The following LYPD6B variants were observed in gnomAD, a reference collection of about 807,000 sequenced individuals.
LYPD6B encodes the protein ly6/PLAUR domain-containing protein 6B.
Under a neutral mutation model 22.8 loss-of-function variants are expected in LYPD6B, and 17 were observed. The observed-to-expected ratio is 0.75, with a 90% CI of 0.51 to 1.12. LYPD6B has a LOEUF of 1.12. Among genes scored for constraint, LYPD6B ranks in the 50% most tolerant of loss-of-function variants. The pLI, the probability that LYPD6B is intolerant of heterozygous loss-of-function variation, is 0.00. For missense variants in LYPD6B, 221 were observed against 258.3 expected (o/e 0.86, Z 0.99); for synonymous variants, 106 against 91.6 (o/e 1.16, Z -0.90).
At chr2:149,102,544 A>C (rs1686264037) in intron 1 of LYPD6B, among the ~76,000 whole-genome samples, 2 of 152,176 alleles carry the variant, frequency 1.3e-5, no homozygotes, top group South Asian at 4.1e-4. Flanking sequence ...TGAGGGTGGG[A>C]CCAGAAGATG....
chr2:149,040,715 C>A (rs1328656042), intron 1 of LYPD6B, among the ~76,000 whole-genome samples: 2 of 152,136 alleles, frequency 1.3e-5, no homozygotes, highest in Non-Finnish European at 2.9e-5. Flanking sequence ...AGGACATGTT[C>A]ATTTTACTAT....
At chr2:149,197,841 A>G (rs1308046762) in intron 3 of LYPD6B, among the ~76,000 whole-genome samples, 1 of 152,160 alleles carries the variant, frequency 6.6e-6, no homozygotes, top group Admixed American at 6.5e-5. Flanking sequence ...ATGACTTGGC[A>G]TAAGCCTCCT....
intron 3 of LYPD6B, among the ~76,000 whole-genome samples, chr2:149,201,514 C>A (rs185948639): frequency 2.8e-4 from 43 of 152,274 alleles, no homozygotes; most frequent in Admixed American, 1.5e-3. Flanking sequence ...CAACTGTCAG[C>A]TACTATAGTT....
At chr2:149,193,956 T>C (rs1390275499) in intron 3 of LYPD6B, among the ~76,000 whole-genome samples, 1 of 152,226 alleles carries the variant, frequency 6.6e-6, no homozygotes, top group East Asian at 1.9e-4. Flanking sequence ...TACCAACATG[T>C]GTCCATCTTT....
intron 1 of LYPD6B, among the ~76,000 whole-genome samples, chr2:149,071,776 A>T (rs1018828479): frequency 2.0e-5 from 3 of 152,198 alleles, no homozygotes; most frequent in Non-Finnish European, 2.9e-5. Context: ...AAGACCAGGG[A>T]ATCAAAGAGC....
At chr2:149,063,266 G>A (rs1418922335) in intron 1 of LYPD6B, among the ~76,000 whole-genome samples, 1 of 152,080 alleles carries the variant, frequency 6.6e-6, no homozygotes, top group Non-Finnish European at 1.5e-5. Context: ...GGGCCAAGGG[G>A]TGTTATTTTC....
chr2:149,151,804 A>T (rs1330413883), intron 2 of LYPD6B, among the ~76,000 whole-genome samples: 1 of 152,206 alleles, frequency 6.6e-6, no homozygotes, highest in Non-Finnish European at 1.5e-5. Context: ...GTAAATGATC[A>T]TCTGAAAATG....
Position 149,213,188 on chromosome 2 carries a change from G to C in LYPD6B, c.459+66G>C, listed in dbSNP as rs1054216214. On this transcript the variant is annotated intron_variant, in intron 6 of 6. Transcript: ENST00000409642. ...CTAGTAATGTAAGTCGTAGATCAAA[G>C]GAGAGGCAGGAAGGATAGTAATATG... 2.5e-6 allele frequency: 4 copies of C among 1,583,884 alleles called. No homozygotes were observed. The South Asian group carries it at 3.4e-5, about 14-fold the overall frequency.
At chr2:149,182,543 A>G (rs1691814169) in intron 3 of LYPD6B, among the ~76,000 whole-genome samples, 1 of 152,238 alleles carries the variant, frequency 6.6e-6, no homozygotes, top group African/African-American at 2.4e-5. Context: ...CTTAAGAAGC[A>G]GCGTAAATAA....
In LYPD6B at chr2:149,212,380, C is replaced by CAAAAAAAAAAAAAA. The variant is rs386391473; in HGVS notation, c.329-601_329-588dup. Among the ~76,000 whole-genome samples, 40 of 60,128 alleles carry CAAAAAAAAAAAAAA rather than the reference C, an allele frequency of 6.7e-4. 1 individual carries two copies. Among genetic ancestry groups the CAAAAAAAAAAAAAA allele is most frequent in the African/African-American group, 2.6e-3 (34 of 13,322 alleles). The allele number at this position is 60,128 out of a possible 152,430, so 39.4% of individuals were successfully genotyped here. On this transcript the variant is annotated intron_variant, in intron 5 of 6. Transcript: ENST00000409642. ...CTGGGGACAGAGTAAGACTCCGTCT[C>CAAAAAAAAAAAAAA]AAAAAAAAAAAAAAAAAAAAAAAAG...
At chr2:149,199,387 C>G (rs536482300) in intron 3 of LYPD6B, among the ~76,000 whole-genome samples, 1 of 152,292 alleles carries the variant, frequency 6.6e-6, no homozygotes, top group South Asian at 2.1e-4. Context: ...TAATTCTTGT[C>G]AGTCACATCT....
chr2:149,116,097 T>G (rs1686993564), intron 1 of LYPD6B, among the ~76,000 whole-genome samples: 1 of 152,228 alleles, frequency 6.6e-6, no homozygotes, highest in Non-Finnish European at 1.5e-5. Context: ...CATTTTATCA[T>G]CTCACATCAT....
At chr2:149,071,364 G>A (rs1684593388) in intron 1 of LYPD6B, among the ~76,000 whole-genome samples, 1 of 152,134 alleles carries the variant, frequency 6.6e-6, no homozygotes, top group African/African-American at 2.4e-5. Flanking sequence ...CCTGGGAGAG[G>A]TAAAGGATGG....
At chr2:149,145,385 A>G (rs1046550939) in intron 2 of LYPD6B, among the ~76,000 whole-genome samples, 2 of 152,212 alleles carry the variant, frequency 1.3e-5, no homozygotes, top group African/African-American at 2.4e-5. Context: ...GAGTCTGAGA[A>G]AAAGATTAAG....
chr2:149,047,553 A>G (rs1683367042), intron 1 of LYPD6B, among the ~76,000 whole-genome samples: 1 of 151,824 alleles, frequency 6.6e-6, no homozygotes, highest in Admixed American at 6.6e-5. Flanking sequence ...TTTGAATATG[A>G]TATGCCTGGG....
chr2:149,125,960 G>A (rs1008546669), intron 1 of LYPD6B, among the ~76,000 whole-genome samples: 3 of 152,152 alleles, frequency 2.0e-5, no homozygotes, highest in African/African-American at 7.2e-5. Flanking sequence ...CTCATTGGGT[G>A]TTCTAGTTAA....
At position 149,214,765 on chromosome 2, in the gene LYPD6B, T is replaced by A; in HGVS notation, c.*55T>A. 1 of 1,568,594 alleles carries A rather than the reference T, an allele frequency of 6.4e-7. No homozygotes were observed. Among genetic ancestry groups the A allele is most frequent in the Middle Eastern group, 1.7e-4 (1 of 5,740 alleles). On this transcript the variant is annotated 3_prime_UTR_variant, in exon 7 of 7. Transcript: ENST00000409642. ...AGCCTCTAAAGCACAAGCCAAAAAC[T>A]GTGTGAACGGTGAACTTTGGAGTGA... is the stretch of plus-strand genomic sequence containing the variant.
chr2:149,200,934 A>T (rs2106118351), intron 3 of LYPD6B, among the ~76,000 whole-genome samples: 1 of 152,288 alleles, frequency 6.6e-6, no homozygotes, highest in African/African-American at 2.4e-5. Flanking sequence ...ACACAGGAAA[A>T]ATCAGTACCA....
chr2:149,206,907 T>G (rs894043941), intron 4 of LYPD6B, among the ~76,000 whole-genome samples: 9 of 152,130 alleles, frequency 5.9e-5, no homozygotes, highest in Non-Finnish European at 1.2e-4. Context: ...CTTATTTCAC[T>G]ATTCCCCCAC....
Sources: gnomAD v4.1 joint callset for allele counts (sites outside exome capture counted in the v4.1 genomes callset) on GRCh38, gnomAD v4.1.1 for gene constraint, MANE v1.5 for transcripts, NCBI Gene and HGNC (gene_info 2026-07-23, HGNC 2026-07-21) for gene names.